SGMS1: variants seen among roughly 807,000 people sequenced by gnomAD.
The protein encoded by SGMS1 is sphingomyelin synthase 1.
Under a neutral mutation model 46.2 loss-of-function variants are expected in SGMS1, and 13 were observed. The ratio of observed to expected loss-of-function variants is 0.28; its 90% CI spans 0.18 to 0.45. The LOEUF is 0.45. Among genes scored for constraint, SGMS1 ranks in the 20% least tolerant of loss-of-function variants. The pLI, the probability that SGMS1 is intolerant of heterozygous loss-of-function variation, is 1.00. For missense variants in SGMS1, 324 were observed against 519.9 expected (o/e 0.62, Z 3.66); for synonymous variants, 203 against 187.8 (o/e 1.08, Z -0.66).
At chr10:50,501,794 G>C (rs925604042) in intron 3 of SGMS1, among the ~76,000 whole-genome samples, 2 of 151,932 alleles carry the variant, frequency 1.3e-5, no homozygotes, top group Non-Finnish European at 2.9e-5. Flanking sequence ...TAGACAATGT[G>C]GTAAGATGTT....
At chr10:50,581,356 T>C (rs1329513524) in intron 2 of SGMS1, among the ~76,000 whole-genome samples, 6 of 152,208 alleles carry the variant, frequency 3.9e-5, no homozygotes, top group Non-Finnish European at 7.3e-5. Context: ...CTGCAGGTTA[T>C]GCCTCAATTT....
At chr10:50,341,809 A>C (rs1847825877) in intron 7 of SGMS1, among the ~76,000 whole-genome samples, 1 of 152,206 alleles carries the variant, frequency 6.6e-6, no homozygotes, top group South Asian at 2.1e-4. Context: ...CATAAAGCTT[A>C]AAGAGAAATA....
chr10:50,337,177 C>T (rs917234946), intron 7 of SGMS1, among the ~76,000 whole-genome samples: 1 of 152,140 alleles, frequency 6.6e-6, no homozygotes, highest in Admixed American at 6.5e-5. Flanking sequence ...GTTTAGACAA[C>T]ACATTTTCAA....
At chr10:50,477,474 T>C (rs868185251) in intron 3 of SGMS1, among the ~76,000 whole-genome samples, 2 of 152,172 alleles carry the variant, frequency 1.3e-5, no homozygotes, top group Non-Finnish European at 2.9e-5. Context: ...ACCTGGACTT[T>C]TGGTTAATGC....
chr10:50,420,866 G>A (rs1316163401), intron 6 of SGMS1, among the ~76,000 whole-genome samples: 1 of 152,212 alleles, frequency 6.6e-6, no homozygotes, highest in Non-Finnish European at 1.5e-5. Context: ...AGGAAAGAGA[G>A]ATGATCTAGT....
chr10:50,411,374 T>G (rs115442320), intron 6 of SGMS1, among the ~76,000 whole-genome samples: 2,525 of 152,288 alleles, frequency 0.017, 68 homozygotes, highest in African/African-American at 0.057. Context: ...GGTGAGACCC[T>G]TGCTTCAAAA....
At chr10:50,502,451 A>G (rs1001691891) in intron 3 of SGMS1, among the ~76,000 whole-genome samples, 1 of 152,110 alleles carries the variant, frequency 6.6e-6, no homozygotes, top group African/African-American at 2.4e-5. Context: ...CTACCTGCCC[A>G]TGGAAGGGAA....
intron 3 of SGMS1, among the ~76,000 whole-genome samples, chr10:50,479,825 G>A (rs1381572235): frequency 6.6e-6 from 1 of 151,858 alleles, no homozygotes; most frequent in Admixed American, 6.6e-5. Context: ...ATGGATGTAT[G>A]GATATTTCTC....
chr10:50,464,102 G>C (rs1837300732), intron 4 of SGMS1, among the ~76,000 whole-genome samples: 1 of 152,114 alleles, frequency 6.6e-6, no homozygotes, highest in South Asian at 2.1e-4. Context: ...GTTCTAGAGA[G>C]CTTTTGCACA....
intron 2 of SGMS1, among the ~76,000 whole-genome samples, chr10:50,572,924 C>A (rs1838348509): frequency 6.6e-6 from 1 of 152,200 alleles, no homozygotes; most frequent in Non-Finnish European, 1.5e-5. Flanking sequence ...AACTTTCTGT[C>A]CCTATTATCA....
At chr10:50,370,464 C>T (rs1848417884) in intron 6 of SGMS1, among the ~76,000 whole-genome samples, 1 of 149,982 alleles carries the variant, frequency 6.7e-6, no homozygotes, top group South Asian at 2.1e-4. Context: ...AGACACAAGC[C>T]AGGCATGGTG....
intron 5 of SGMS1, among the ~76,000 whole-genome samples, chr10:50,448,507 G>A (rs1156949504): frequency 6.6e-6 from 1 of 152,090 alleles, no homozygotes; most frequent in Non-Finnish European, 1.5e-5. Flanking sequence ...CACTTTGGGA[G>A]GCTGAGGTGG....
chr10:50,343,898 A>G lies in SGMS1; in HGVS notation c.217T>C (p.Leu73=). ...GCATGGCCGTTCTTGTGTGCTTCCA[A>G]ATGGTGCTCCATTTTCAGGGTTTCT... is the stretch of plus-strand genomic sequence containing the variant. ...MIETLKMEHH[L]EAHKNGHANG... is the part of the protein sequence containing the mutation. The change falls in exon 7 of 11, where the codon TTG becomes CTG. Residue 73 remains leucine (L), a synonymous_variant. Coordinates refer to ENST00000361781, the MANE Select transcript of SGMS1 (RefSeq NM_147156.4). 6.2e-7 allele frequency: 1 copy of G among 1,614,018 alleles called. No individual in the cohort carries two copies. The highest frequency in any genetic ancestry group is 8.5e-7 in the Non-Finnish European group (1 of 1,180,010).
chr10:50,597,693 T>C (rs1166733435), intron 1 of SGMS1, among the ~76,000 whole-genome samples: 3 of 152,194 alleles, frequency 2.0e-5, no homozygotes, highest in East Asian at 3.9e-4. Flanking sequence ...GTAGTGGTGG[T>C]TGCGTGAATT....
At chr10:50,514,134 G>C (rs1202726779) in intron 3 of SGMS1, among the ~76,000 whole-genome samples, 1 of 152,156 alleles carries the variant, frequency 6.6e-6, no homozygotes, top group African/African-American at 2.4e-5. Context: ...AATTACGCCT[G>C]TGCCAACATG....
At chr10:50,576,777 A>G (rs1478564066) in intron 2 of SGMS1, among the ~76,000 whole-genome samples, 1 of 152,236 alleles carries the variant, frequency 6.6e-6, no homozygotes, top group African/African-American at 2.4e-5. Context: ...GTATATACAT[A>G]AGCTTCTGCC....
chr10:50,604,796 A>T (rs1838680366), intron 1 of SGMS1, among the ~76,000 whole-genome samples: 1 of 152,196 alleles, frequency 6.6e-6, no homozygotes, highest in Non-Finnish European at 1.5e-5. Context: ...CTACACATAC[A>T]CCCATCAGTA....
At chr10:50,609,215 C>G (rs901922101) in intron 1 of SGMS1, among the ~76,000 whole-genome samples, 1 of 152,162 alleles carries the variant, frequency 6.6e-6, no homozygotes, top group African/African-American at 2.4e-5. Context: ...AAGTGATCCA[C>G]CAGCCTCAGC....
chr10:50,623,731 C>T lies in SGMS1; in HGVS notation c.-708G>A, dbSNP rs1010559935. ...CTTGCACTGGAGTCACGGCAGCCGC[C>T]GGAATTCCGCTCGCGGAGCCCCCGC... On this transcript the variant is annotated 5_prime_UTR_variant, in exon 1 of 11. Coordinates refer to ENST00000361781, the MANE Select transcript of SGMS1 (RefSeq NM_147156.4). 2.0e-6 allele frequency: 2 copies of T among 985,298 alleles called. No individual in the cohort carries two copies. Among genetic ancestry groups the T allele is most frequent in the Non-Finnish European group, 2.4e-6 (2 of 829,946 alleles). 61.0% of individuals were successfully genotyped at this position (985,298 alleles called of 1,614,324 possible).
Sources: gnomAD v4.1 joint callset for allele counts (sites outside exome capture counted in the v4.1 genomes callset) on GRCh38, gnomAD v4.1.1 for gene constraint, MANE v1.5 for transcripts, NCBI Gene and HGNC (gene_info 2026-07-23, HGNC 2026-07-21) for gene names.